Variants in RDM1 observed in about 807,000 individuals in gnomAD.
RDM1 encodes RAD52 motif containing 1, also known as RAD52 motif-containing protein 1.
A neutral mutation model predicts 27.7 loss-of-function variants in RDM1; 28 were observed. The ratio of observed to expected loss-of-function variants is 1.01; its 90% CI spans 0.75 to 1.39. The LOEUF (loss-of-function observed/expected upper bound fraction) is 1.39, where lower values mean the gene tolerates loss of function less well. RDM1 is among the 40% of genes most tolerant of loss of function. The probability of loss-of-function intolerance (pLI) is 0.00; values close to 1 mark genes in which losing one functional copy is unlikely to be tolerated. For missense variants in RDM1, 277 were observed against 337.3 expected (o/e 0.82, Z 1.40); for synonymous variants, 124 against 127.5 (o/e 0.97, Z 0.19).
chr17:35,922,064 G>A (rs573389872), intron 5 of RDM1: 2 of 152,188 alleles, frequency 1.3e-5, no homozygotes, highest in African/African-American at 4.8e-5. Flanking sequence ...GGGACTACAG[G>A]AGCCCGCCAC....
At chr17:35,925,145 A>T (rs183540156) in intron 3 of RDM1, among the ~76,000 whole-genome samples, 1 of 152,158 alleles carries the variant, frequency 6.6e-6, no homozygotes, top group Non-Finnish European at 1.5e-5. Flanking sequence ...AAACAAAACA[A>T]AACAAAACAA....
In RDM1 at chr17:35,922,650, C is replaced by A; in HGVS notation, c.594G>T (p.Arg198Ser). The A allele has an allele frequency of 6.2e-7, 1 of 1,607,882 alleles. No individual in the cohort carries two copies. The highest frequency in any genetic ancestry group is 2.2e-5 in the East Asian group (1 of 44,788). Residue 198 changes from arginine (R) to serine (S), a missense_variant, in exon 5 of 7, where the codon AGG (arginine) becomes AGT (serine). Physicochemically the swap from Arg to Ser is moderately radical, Grantham distance 110. Coordinates refer to ENST00000620284, the MANE Select transcript of RDM1 (RefSeq NM_145654.4). ...EEGPLSFLMK[R>S]KTAQKLAIQK... Reference sequence around the variant, plus strand: ...GAATAGCAAGCTTCTGGGCTGTCTTCCTTTTCATAAGGAATGATAATGGTC... The same window carrying A: ...GAATAGCAAGCTTCTGGGCTGTCTTACTTTTCATAAGGAATGATAATGGTC...
chr17:35,927,331 T>C (rs1457148471), intron 2 of RDM1, among the ~76,000 whole-genome samples: 1 of 151,958 alleles, frequency 6.6e-6, no homozygotes, highest in Non-Finnish European at 1.5e-5. Flanking sequence ...TCCCAGCTGC[T>C]CTGGAGGCTG....
In RDM1 at chr17:35,918,160, A is replaced by G; in HGVS notation, c.*182T>C. 1.6e-6 allele frequency: 1 copy of G among 608,458 alleles called. No homozygotes were observed. The highest frequency in any genetic ancestry group is 2.9e-6 in the Non-Finnish European group (1 of 340,438). 37.7% of individuals were successfully genotyped at this position (608,458 alleles called of 1,614,324 possible). A position where few individuals can be genotyped will look rare whatever the true frequency, so the allele number is the denominator to read the frequency against. ...GCGATCTTATCCCACAATCCTACCC[A>G]AGCCTCCCTTCCCACTCCACCAGAA... On this transcript the variant is annotated 3_prime_UTR_variant, in exon 7 of 7. Coordinates refer to ENST00000620284, the MANE Select transcript of RDM1 (RefSeq NM_145654.4).
chr17:35,918,499 T>C lies in RDM1; in HGVS notation c.754-56A>G, dbSNP rs555867573. ...GCAGAACGCACATTACGGTCATTCA[T>C]TCCAAAATGTTGCCGTTTTTGCTAA... On this transcript the variant is annotated intron_variant, in intron 6 of 6. Transcript: ENST00000620284. The C allele has an allele frequency of 1.8e-4, 253 of 1,430,526 alleles. No individual in the cohort carries two copies. The African/African-American group carries it at 3.2e-3, about 18-fold the overall frequency. 88.6% of individuals were successfully genotyped at this position (1,430,526 alleles called of 1,614,324 possible).
intron 2 of RDM1, among the ~76,000 whole-genome samples, chr17:35,928,316 C>T (rs1285184922): frequency 6.6e-6 from 1 of 152,120 alleles, no homozygotes; most frequent in Non-Finnish European, 1.5e-5. Context: ...AAAGAATGTT[C>T]CCATCCTCTC....
intron 2 of RDM1, among the ~76,000 whole-genome samples, chr17:35,928,625 G>GGT (rs371047006): frequency 1.2e-4 from 18 of 152,132 alleles, no homozygotes; most frequent in Middle Eastern, 3.4e-3. Context: ...AGCCAGGCGT[G>GGT]GTGGTGCATG....
chr17:35,921,939 G>A (rs868688241), intron 5 of RDM1, among the ~76,000 whole-genome samples: 1 of 32,050 alleles, frequency 3.1e-5, no homozygotes, highest in African/African-American at 1.3e-4. Flanking sequence ...TTTTTTTTTT[G>A]AGATGGAGTC....
intron 3 of RDM1, 139 bp from the exon 4 acceptor site, chr17:35,924,911 G>A (rs144395510): frequency 3.4e-5 from 23 of 673,750 alleles, no homozygotes; most frequent in African/African-American, 1.3e-4. Context: ...CGAGGTGGGC[G>A]GATCACGAGG....
chr17:35,921,381 T>C (rs1234949057), intron 5 of RDM1, among the ~76,000 whole-genome samples: 3 of 152,236 alleles, frequency 2.0e-5, no homozygotes, highest in African/African-American at 7.2e-5. Context: ...GGTAACTTAA[T>C]TAGGATCTCT....
rs757745197 is a variant in RDM1, at chr17:35,930,760, C to T, written c.-33G>A. The T allele has an allele frequency of 1.9e-6, 3 of 1,603,940 alleles. No homozygotes were observed. Among genetic ancestry groups the T allele is most frequent in the Admixed American group, 1.7e-5 (1 of 59,220 alleles). ...TCACCGCACCTGCGCGGCTAACCCTCGCCCCAGCATTGCGCCTGCGCAAGG... is the reference window on the plus strand; with the variant it reads ...TCACCGCACCTGCGCGGCTAACCCTTGCCCCAGCATTGCGCCTGCGCAAGG... On this transcript the variant is annotated 5_prime_UTR_variant, in exon 1 of 7. Coordinates refer to ENST00000620284, the MANE Select transcript of RDM1 (RefSeq NM_145654.4).
At chr17:35,929,973 A>T in intron 2 of RDM1, 103 bp downstream of exon 2, 1 of 1,055,150 alleles carries the variant, frequency 9.5e-7, no homozygotes, top group Non-Finnish European at 1.4e-6. Context: ...GTGGCAATGC[A>T]TCTGAAAATA....
At chr17:35,928,630 T>A (rs571701123) in intron 2 of RDM1, among the ~76,000 whole-genome samples, 1 of 150,720 alleles carries the variant, frequency 6.6e-6, no homozygotes, top group South Asian at 2.1e-4. Flanking sequence ...GGCGTGGTGG[T>A]GCATGCCTGT....
chr17:35,920,538 C>T (rs1343617954), intron 5 of RDM1, among the ~76,000 whole-genome samples: 1 of 151,042 alleles, frequency 6.6e-6, no homozygotes, highest in Non-Finnish European at 1.5e-5. Context: ...CAGCTCACTG[C>T]AGCCTGGAAT....
intron 6 of RDM1, among the ~76,000 whole-genome samples, chr17:35,918,913 T>C (rs1249857033): frequency 6.6e-6 from 1 of 152,246 alleles, no homozygotes; most frequent in Non-Finnish European, 1.5e-5. Context: ...CTTCATCTTA[T>C]GCCAGTGCCT....
At chr17:35,926,626 G>C (rs955890680) in intron 2 of RDM1, among the ~76,000 whole-genome samples, 1 of 152,034 alleles carries the variant, frequency 6.6e-6, no homozygotes, top group Non-Finnish European at 1.5e-5. Flanking sequence ...GGATGGTCTC[G>C]ATCTCCTGAC....
chr17:35,924,496 G>T, intron 4 of RDM1, 108 bp downstream of exon 4: 1 of 1,191,994 alleles, frequency 8.4e-7, no homozygotes, highest in Non-Finnish European at 1.2e-6. Context: ...CTCAGAGAGG[G>T]AGGGGCTTGA....
At chr17:35,926,701 C>T (rs1333381516) in intron 2 of RDM1, among the ~76,000 whole-genome samples, 3 of 152,108 alleles carry the variant, frequency 2.0e-5, no homozygotes, top group Non-Finnish European at 4.4e-5. Flanking sequence ...CTGCGCCTGG[C>T]CGTAAAGTTA....
chr17:35,924,613 C>A lies in RDM1; in HGVS notation c.559G>T (p.Val187Leu), dbSNP rs755296564. 1 of 1,613,330 alleles carries A rather than the reference C, an allele frequency of 6.2e-7. No homozygotes were observed. The highest frequency in any genetic ancestry group is 1.1e-5 in the South Asian group (1 of 90,950). Residue 187 changes from valine to leucine, a missense_variant, in exon 4 of 7, where the codon GTG becomes TTG. Physicochemically the swap from Val to Leu is conservative, Grantham distance 32. Transcript: ENST00000620284. The part of the protein sequence containing the change: ...IGLVEEPMDK[V>L]EEGPLSFLMK... ...CCCAGTGAAAACAGACCTTCCTCCA[C>A]CTTATCCATAGGCTCCTCCACCAAG...
Sources: gnomAD v4.1 joint callset for allele counts (sites outside exome capture counted in the v4.1 genomes callset) on GRCh38, gnomAD v4.1.1 for gene constraint, MANE v1.5 for transcripts, NCBI Gene and HGNC (gene_info 2026-07-23, HGNC 2026-07-21) for gene names.